Variants in STXBP5L observed in about 807,000 individuals in gnomAD.
STXBP5L encodes syntaxin binding protein 5L.
STXBP5L carries 65 observed loss-of-function variants against 144.5 expected under a neutral mutation model. The ratio of observed to expected loss-of-function variants is 0.45; its 90% CI spans 0.37 to 0.55. The LOEUF (loss-of-function observed/expected upper bound fraction) is 0.55, where lower values mean the gene tolerates loss of function less well. Ranked by LOEUF, STXBP5L falls within the 20% of genes least tolerant of loss-of-function variation. The pLI, the probability that STXBP5L is intolerant of heterozygous loss-of-function variation, is 0.00. For synonymous variants in STXBP5L, 505 were observed against 469.6 expected, an observed-to-expected ratio of 1.08 and a Z score of -0.97; for missense variants, 1,298 against 1,405.5, an observed-to-expected ratio of 0.92 and a Z score of 1.22.
At chr3:120,989,624 A>G (rs890411510) in intron 3 of STXBP5L, among the ~76,000 whole-genome samples, 4 of 152,258 alleles carry the variant, frequency 2.6e-5, no homozygotes, top group East Asian at 1.9e-4. Context: ...ATTGGGGACT[A>G]TAACTCGAAT....
intron 5 of STXBP5L, among the ~76,000 whole-genome samples, chr3:121,074,810 G>A (rs1181176595): frequency 6.6e-6 from 1 of 152,132 alleles, no homozygotes; most frequent in East Asian, 1.9e-4. Context: ...CTGGAGCAAG[G>A]CTTTTCCTAA....
At chr3:121,271,151 A>T (rs2050723385) in intron 18 of STXBP5L, among the ~76,000 whole-genome samples, 1 of 152,172 alleles carries the variant, frequency 6.6e-6, no homozygotes, top group African/African-American at 2.4e-5. Flanking sequence ...GTTAGATTCT[A>T]CTATTAAGAG....
chr3:120,960,489 G>T (rs1433248330), intron 3 of STXBP5L, among the ~76,000 whole-genome samples: 2 of 152,166 alleles, frequency 1.3e-5, no homozygotes, highest in Non-Finnish European at 2.9e-5. Context: ...ATTCATAATA[G>T]CAAAGACTTG....
At chr3:121,332,572 A>T (rs1283990816) in intron 20 of STXBP5L, among the ~76,000 whole-genome samples, 1 of 152,034 alleles carries the variant, frequency 6.6e-6, no homozygotes, top group African/African-American at 2.4e-5. Flanking sequence ...AATAAAACAA[A>T]AATAAGTTTA....
At chr3:121,302,114 A>G (rs1275448838) in intron 19 of STXBP5L, among the ~76,000 whole-genome samples, 1 of 152,206 alleles carries the variant, frequency 6.6e-6, no homozygotes, top group Non-Finnish European at 1.5e-5. Flanking sequence ...TAGTTTCAGA[A>G]GGAATGATAC....
intron 20 of STXBP5L, among the ~76,000 whole-genome samples, chr3:121,335,229 A>G (rs2044464489): frequency 2.6e-5 from 4 of 152,184 alleles, no homozygotes; most frequent in Non-Finnish European, 5.9e-5. Context: ...AGAATAAAAT[A>G]CCTAGTAATA....
At chr3:121,131,401 A>G (rs534188832) in intron 7 of STXBP5L, among the ~76,000 whole-genome samples, 1 of 152,346 alleles carries the variant, frequency 6.6e-6, no homozygotes, top group African/African-American at 2.4e-5. Context: ...TACAAGTCAC[A>G]GATGACTTTA....
intron 22 of STXBP5L, among the ~76,000 whole-genome samples, chr3:121,387,093 C>G (rs1181490608): frequency 6.6e-6 from 1 of 152,192 alleles, no homozygotes; most frequent in Non-Finnish European, 1.5e-5. Context: ...TAATGATTGC[C>G]ATTCTAACGG....
intron 19 of STXBP5L, among the ~76,000 whole-genome samples, chr3:121,316,360 T>C (rs553388603): frequency 2.6e-5 from 4 of 152,270 alleles, no homozygotes; most frequent in African/African-American, 9.6e-5. Flanking sequence ...ATAGAAAAGA[T>C]GGTATTTTCC....
chr3:120,963,374 C>T (rs184277109), intron 3 of STXBP5L, among the ~76,000 whole-genome samples: 1 of 152,156 alleles, frequency 6.6e-6, no homozygotes, highest in Non-Finnish European at 1.5e-5. Context: ...GGGAATGCTT[C>T]CAGTTTTTGC....
At chr3:121,169,063 C>A (rs1325282586) in intron 9 of STXBP5L, among the ~76,000 whole-genome samples, 1 of 152,124 alleles carries the variant, frequency 6.6e-6, no homozygotes, top group Non-Finnish European at 1.5e-5. Flanking sequence ...GAATTTTCAA[C>A]CCAGAATTTC....
intron 22 of STXBP5L, among the ~76,000 whole-genome samples, chr3:121,387,047 C>A (rs797008020): frequency 9.9e-5 from 15 of 152,144 alleles, no homozygotes; most frequent in Non-Finnish European, 1.8e-4. Flanking sequence ...CCTATTTTTC[C>A]GCATCCTCTC....
intron 2 of STXBP5L, 50 bp from the exon 3 acceptor site, chr3:120,954,890 G>T: frequency 6.7e-7 from 1 of 1,490,474 alleles, no homozygotes; most frequent in Admixed American, 1.8e-5. Flanking sequence ...TCTTGTGATT[G>T]TAATTTTTAT....
At chr3:121,337,601 C>T (rs972231960) in intron 20 of STXBP5L, among the ~76,000 whole-genome samples, 1 of 152,058 alleles carries the variant, frequency 6.6e-6, no homozygotes, top group African/African-American at 2.4e-5. Flanking sequence ...GACATCATCA[C>T]AATAATTGTG....
chr3:121,328,916 C>G (rs1335887891), intron 20 of STXBP5L, among the ~76,000 whole-genome samples: 2 of 151,758 alleles, frequency 1.3e-5, no homozygotes, highest in African/African-American at 4.8e-5. Flanking sequence ...TTCTATTCCT[C>G]ATTAGAAAAT....
chr3:121,355,384 T>C lies in STXBP5L; in HGVS notation c.2177-23332T>C, dbSNP rs562965342. Among the ~76,000 whole-genome samples, 4 of 152,314 alleles carry C rather than the reference T, an allele frequency of 2.6e-5. No individual in the cohort carries two copies. In the East Asian group the frequency reaches 5.8e-4, roughly 22 times the overall value. On this transcript the variant is annotated intron_variant, in intron 20 of 26. Transcript: ENST00000471454. Reference sequence around the variant, plus strand: ...ATATTTCTTGGAGGCTTTGTTCATTTCTTTTTACTCGTTTTTCTCTACCTT... The same window carrying C: ...ATATTTCTTGGAGGCTTTGTTCATTCCTTTTTACTCGTTTTTCTCTACCTT...
At chr3:121,163,338 G>A (rs1044113983) in intron 9 of STXBP5L, among the ~76,000 whole-genome samples, 10 of 151,812 alleles carry the variant, frequency 6.6e-5, no homozygotes, top group African/African-American at 2.4e-4. Context: ...ACCAAACACT[G>A]CATGTTCTCA....
In STXBP5L at chr3:120,953,015, G is replaced by T. The variant is rs559506736; in HGVS notation, c.190-1925G>T. On this transcript the variant is annotated intron_variant, in intron 2 of 26. Transcript: ENST00000471454. ...AGATCTCTCTATCTTGCCCAGGGTG[G>T]TATCGAACTCCTGGGCTCAAGTGAT... Among the ~76,000 whole-genome samples the T allele has an allele frequency of 2.0e-5, 3 of 151,792 alleles. No individual in the cohort carries two copies. The South Asian group carries it at 6.2e-4, about 32-fold the overall frequency.
intron 12 of STXBP5L, among the ~76,000 whole-genome samples, chr3:121,235,730 C>G (rs1332362169): frequency 1.3e-5 from 2 of 151,696 alleles, no homozygotes; most frequent in Non-Finnish European, 2.9e-5. Flanking sequence ...TGAGTTTTTC[C>G]TTTACCTGAT....
Sources: gnomAD v4.1 joint callset for allele counts (sites outside exome capture counted in the v4.1 genomes callset) on GRCh38, gnomAD v4.1.1 for gene constraint, MANE v1.5 for transcripts, NCBI Gene and HGNC (gene_info 2026-07-23, HGNC 2026-07-21) for gene names.